SLC28A1: variants seen among roughly 807,000 people sequenced by gnomAD.
SLC28A1 encodes the protein sodium/nucleoside cotransporter 1.
In SLC28A1, 64 loss-of-function variants were observed where a neutral mutation model predicts 74.8. The ratio of observed to expected loss-of-function variants is 0.86; its 90% CI spans 0.70 to 1.05. The LOEUF (loss-of-function observed/expected upper bound fraction) is 1.05, where lower values mean the gene tolerates loss of function less well. SLC28A1 is among the 50% of genes least tolerant of loss of function. The pLI is 0.00. For synonymous variants in SLC28A1, 359 were observed against 335.0 expected, an observed-to-expected ratio of 1.07 and a Z score of -0.78; for missense variants, 828 against 822.8, an observed-to-expected ratio of 1.01 and a Z score of -0.08.
At chr15:84,962,536 C>T in the SLC28A1 span, among the ~76,000 whole-genome samples, 3 of 152,082 alleles carry the variant, frequency 2.0e-5, no homozygotes, top group African/African-American at 7.2e-5. Context: ...CTCCTGGGCT[C>T]GGGTGATCCT....
At chr15:84,891,939 C>G (rs571685488) in intron 5 of SLC28A1, among the ~76,000 whole-genome samples, 1 of 152,086 alleles carries the variant, frequency 6.6e-6, no homozygotes, top group Admixed American at 6.5e-5. Context: ...AAGAGATGTC[C>G]GATGGAGCAA....
rs923973514 is a variant in SLC28A1 at position 84,894,875 on chromosome 15, G to A, written c.278-65G>A. On this transcript the variant is annotated intron_variant, in intron 5 of 18. Transcript: ENST00000394573. ...GTGGAGTAAGGTGGAGTCCGCGGGC[G>A]GGGCTGCAGGGTTCTGAAGAGGTGG... 1.2e-5 allele frequency: 18 copies of A among 1,514,730 alleles called. No homozygotes were observed. The East Asian group carries it at 2.0e-4, about 17-fold the overall frequency. The allele number at this position is 1,514,730 out of a possible 1,614,324, so 93.8% of individuals were successfully genotyped here. A position where few individuals can be genotyped will look rare whatever the true frequency, so the allele number is the denominator to read the frequency against.
intron 15 of SLC28A1, among the ~76,000 whole-genome samples, chr15:84,941,454 C>G (rs1972685349): frequency 6.6e-6 from 1 of 152,046 alleles, no homozygotes; most frequent in Non-Finnish European, 1.5e-5. Flanking sequence ...ATCTGCCCAC[C>G]TTGGCTTCCC....
chr15:84,893,132 C>T (rs1965547153), intron 5 of SLC28A1, among the ~76,000 whole-genome samples: 1 of 152,052 alleles, frequency 6.6e-6, no homozygotes, highest in African/African-American at 2.4e-5. Context: ...CACAGACCTT[C>T]TTGGCCTCCT....
chr15:84,888,957 G>T (rs1964946372), intron 4 of SLC28A1, 97 bp downstream of exon 4: 2 of 837,888 alleles, frequency 2.4e-6, no homozygotes, highest in Non-Finnish European at 4.0e-6. Flanking sequence ...GAGTTGGGGG[G>T]ACGTGAACCT....
chr15:84,916,240 C>CAGGTG (rs1555449976), intron 9 of SLC28A1, among the ~76,000 whole-genome samples: 18 of 98,348 alleles, frequency 1.8e-4, no homozygotes, highest in African/African-American at 5.4e-4. Context: ...GCTGGGATTA[C>CAGGTG]TTTTTTTTTT....
the SLC28A1 span, among the ~76,000 whole-genome samples, chr15:84,958,640 G>A: frequency 2.0e-5 from 3 of 151,924 alleles, no homozygotes; most frequent in African/African-American, 7.3e-5. Flanking sequence ...TGAAGCTTTG[G>A]TCTCTCAGAC....
intron 11 of SLC28A1, among the ~76,000 whole-genome samples, chr15:84,922,048 A>G (rs1004787082): frequency 6.6e-6 from 1 of 152,078 alleles, no homozygotes; most frequent in Non-Finnish European, 1.5e-5. Flanking sequence ...TCTACGCCTC[A>G]TTTCCCCCAA....
the SLC28A1 span, among the ~76,000 whole-genome samples, chr15:84,966,951 TA>T: frequency 2.2e-4 from 34 of 151,184 alleles, no homozygotes; most frequent in Non-Finnish European, 4.0e-4. Flanking sequence ...TTTTTATTTT[TA>T]TTTTTTTTAA....
chr15:84,916,952 C>T (rs1052473734), intron 9 of SLC28A1, among the ~76,000 whole-genome samples: 1 of 148,636 alleles, frequency 6.7e-6, no homozygotes, highest in Non-Finnish European at 1.5e-5. Context: ...CACTTGAACC[C>T]AGGAGGCGGA....
intron 15 of SLC28A1, 35 bp downstream of exon 15, chr15:84,935,553 A>T (rs1250481594): frequency 2.6e-6 from 4 of 1,561,400 alleles, no homozygotes; most frequent in Admixed American, 1.7e-5. Flanking sequence ...CAGCAGGGGG[A>T]TGACACGGCA....
At chr15:84,925,105 G>A (rs1413147568) in intron 12 of SLC28A1, among the ~76,000 whole-genome samples, 2 of 110,118 alleles carry the variant, frequency 1.8e-5, no homozygotes, top group African/African-American at 6.8e-5. Flanking sequence ...ATTTTTAGTA[G>A]AGACAGGGTT....
intron 9 of SLC28A1, among the ~76,000 whole-genome samples, chr15:84,911,762 G>T (rs950013707): frequency 1.3e-5 from 2 of 151,338 alleles, no homozygotes; most frequent in African/African-American, 4.9e-5. Flanking sequence ...AGGAGGCTGA[G>T]GCAGGAGAAT....
At position 84,886,728 on chromosome 15, in the gene SLC28A1, GT is replaced by G; in HGVS notation, c.-75del. On this transcript the variant is annotated 5_prime_UTR_variant, in exon 2 of 19. An upstream open reading frame in the 5' UTR loses its in-frame stop. Transcript: ENST00000394573. ...AGCCAAAGCAGGTTGGACCCAGCTT[GT>G]CCCCACAGAGACGTGTGCTTCCCTC... 4 of 985,510 alleles carry G rather than the reference GT, an allele frequency of 4.1e-6. No individual in the cohort carries two copies. The highest frequency in any genetic ancestry group is 4.8e-6 in the Non-Finnish European group (4 of 829,966). The allele number at this position is 985,510 out of a possible 1,614,324, so 61.0% of individuals were successfully genotyped here. A position where few individuals can be genotyped will look rare whatever the true frequency, so the allele number is the denominator to read the frequency against.
intron 1 of SLC28A1, among the ~76,000 whole-genome samples, chr15:84,885,047 C>A (rs1211618947): frequency 1.3e-5 from 2 of 152,134 alleles, no homozygotes; most frequent in Non-Finnish European, 2.9e-5. Flanking sequence ...CAGCCTCCAC[C>A]TCTCGGGTTC....
rs74024755 is a variant in SLC28A1 at position 84,910,297 on chromosome 15, C to T, written c.795+1502C>T. 6.8e-3 allele frequency among the ~76,000 whole-genome samples: 1,039 copies of T among 152,326 alleles called. 10 individuals are homozygous for T. Among genetic ancestry groups the T allele is most frequent in the African/African-American group, 0.022 (924 of 41,564 alleles). On this transcript the variant is annotated intron_variant, in intron 9 of 18. Coordinates refer to ENST00000394573, the MANE Select transcript of SLC28A1 (RefSeq NM_004213.5). ...CTAATACCATATTCCTTTAGGGTAA[C>T]GAGCAGCTGCTCCCTTACCTTTGCA...
the SLC28A1 span, among the ~76,000 whole-genome samples, chr15:84,971,414 G>A: frequency 2.6e-5 from 4 of 152,226 alleles, no homozygotes; most frequent in East Asian, 1.9e-4. Flanking sequence ...CTCAATGAGC[G>A]AGCTCTTGCT....
chr15:84,946,082 G>A (rs1291845622), downstream of SLC28A1, among the ~76,000 whole-genome samples: 1,285 of 23,232 alleles, frequency 0.055, 251 homozygotes, highest in Middle Eastern at 0.37. Context: ...GTGTGTGTAT[G>A]TTCATATATA....
chr15:84,911,289 T>G (rs1459038794), intron 9 of SLC28A1, among the ~76,000 whole-genome samples: 1 of 152,206 alleles, frequency 6.6e-6, no homozygotes, highest in African/African-American at 2.4e-5. Flanking sequence ...GAATCACCCT[T>G]TAGAATCATG....
Sources: gnomAD v4.1 joint callset for allele counts (sites outside exome capture counted in the v4.1 genomes callset) on GRCh38, gnomAD v4.1.1 for gene constraint, MANE v1.5 for transcripts, NCBI Gene and HGNC (gene_info 2026-07-23, HGNC 2026-07-21) for gene names.